IMMP2L: variants seen among roughly 807,000 people sequenced by gnomAD.
IMMP2L encodes the protein mitochondrial inner membrane protease subunit 2.
In IMMP2L, 18 loss-of-function variants were observed where a neutral mutation model predicts 19.3. The observed-to-expected ratio is 0.93, with a 90% confidence interval of 0.64 to 1.38. The LOEUF is 1.38. Among genes scored for constraint, IMMP2L ranks in the 40% most tolerant of loss-of-function variants. The probability of loss-of-function intolerance (pLI) is 0.00; values close to 1 mark genes in which losing one functional copy is unlikely to be tolerated. For missense variants in IMMP2L, 233 were observed against 218.2 expected (o/e 1.07, Z -0.43); for synonymous variants, 76 against 73.0 (o/e 1.04, Z -0.21).
intron 5 of IMMP2L, among the ~76,000 whole-genome samples, chr7:110,765,767 C>A (rs1562962737): frequency 6.6e-6 from 1 of 152,078 alleles, no homozygotes; most frequent in Non-Finnish European, 1.5e-5. Flanking sequence ...TATCAATAAC[C>A]TCAAACACTT....
intron 3 of IMMP2L, among the ~76,000 whole-genome samples, chr7:111,237,160 T>G (rs1291028615): frequency 6.6e-6 from 1 of 152,180 alleles, no homozygotes; most frequent in Non-Finnish European, 1.5e-5. Context: ...CCAGATATAA[T>G]GTCTCACACA....
chr7:111,057,568 G>T (rs746659697), intron 3 of IMMP2L, among the ~76,000 whole-genome samples: 1 of 152,148 alleles, frequency 6.6e-6, no homozygotes, highest in African/African-American at 2.4e-5. Context: ...ATAGAAAGCA[G>T]CTTACATATT....
At chr7:111,217,126 T>TCACACACACACACACACACACACACA (rs1315821493) in intron 3 of IMMP2L, among the ~76,000 whole-genome samples, 1 of 123,998 alleles carries the variant, frequency 8.1e-6, no homozygotes, top group African/African-American at 3.2e-5. Flanking sequence ...TCTCTCTCTC[T>TCACACACACACACACACACACACACA]CACACACACA....
intron 2 of IMMP2L, among the ~76,000 whole-genome samples, chr7:111,495,822 T>G (rs1843543132): frequency 6.6e-6 from 1 of 152,176 alleles, no homozygotes; most frequent in African/African-American, 2.4e-5. Flanking sequence ...CTTACTTCTT[T>G]GGGTACAATG....
intron 4 of IMMP2L, among the ~76,000 whole-genome samples, chr7:110,888,012 T>A (rs1810406975): frequency 6.6e-6 from 1 of 152,176 alleles, no homozygotes; most frequent in Non-Finnish European, 1.5e-5. Context: ...AACTATTCAT[T>A]ATCTAGGATG....
At chr7:111,541,557 C>A (rs1451820376) in intron 1 of IMMP2L, among the ~76,000 whole-genome samples, 1 of 152,088 alleles carries the variant, frequency 6.6e-6, no homozygotes, top group Non-Finnish European at 1.5e-5. Context: ...AGCTTAGTAG[C>A]CTTGAGAATA....
chr7:110,687,396 C>CT (rs1793190109), intron 5 of IMMP2L, among the ~76,000 whole-genome samples: 1 of 152,078 alleles, frequency 6.6e-6, no homozygotes, highest in Non-Finnish European at 1.5e-5. Context: ...GAATCCATGT[C>CT]TAAGTCATCT....
At chr7:111,167,775 G>A (rs1055672132) in intron 3 of IMMP2L, among the ~76,000 whole-genome samples, 2 of 151,904 alleles carry the variant, frequency 1.3e-5, no homozygotes, top group African/African-American at 4.8e-5. Flanking sequence ...GTGTTTACTC[G>A]GAATCCTCAG....
chr7:111,543,326 CTGA>C (rs1212426958), intron 1 of IMMP2L, among the ~76,000 whole-genome samples: 1 of 152,136 alleles, frequency 6.6e-6, no homozygotes. Flanking sequence ...AAATACAAAG[CTGA>C]TGTTAACCAC....
intron 3 of IMMP2L, among the ~76,000 whole-genome samples, chr7:111,276,524 T>C (rs1819075144): frequency 6.6e-6 from 1 of 152,012 alleles, no homozygotes; most frequent in South Asian, 2.1e-4. Context: ...AGGATTGGTA[T>C]TAGTTCTTCT....
chr7:110,791,800 C>A (rs1054450338), intron 5 of IMMP2L, among the ~76,000 whole-genome samples: 1 of 151,806 alleles, frequency 6.6e-6, no homozygotes, highest in Admixed American at 6.6e-5. Context: ...ATGTGTCCAG[C>A]AGACAGGAGC....
intron 5 of IMMP2L, among the ~76,000 whole-genome samples, chr7:110,721,895 G>A (rs564786841): frequency 6.6e-6 from 1 of 152,100 alleles, no homozygotes; most frequent in East Asian, 1.9e-4. Context: ...AAGAAAGAGA[G>A]AGAAAGAGGA....
intron 3 of IMMP2L, among the ~76,000 whole-genome samples, chr7:111,291,059 C>A (rs1044631907): frequency 3.3e-5 from 5 of 152,032 alleles, no homozygotes; most frequent in African/African-American, 1.2e-4. Flanking sequence ...CATTTCATAC[C>A]TTACTATGTG....
intron 3 of IMMP2L, among the ~76,000 whole-genome samples, chr7:111,148,140 G>A (rs963821368): frequency 3.3e-5 from 5 of 152,044 alleles, no homozygotes; most frequent in Non-Finnish European, 5.9e-5. Flanking sequence ...ATAATAAAAC[G>A]TGGTACATCT....
intron 3 of IMMP2L, among the ~76,000 whole-genome samples, chr7:111,435,986 C>A (rs1308908327): frequency 1.3e-5 from 2 of 151,910 alleles, no homozygotes; most frequent in Admixed American, 6.5e-5. Flanking sequence ...ATCATCTTGG[C>A]ACTCATGGGA....
intron 5 of IMMP2L, among the ~76,000 whole-genome samples, chr7:110,739,237 G>C (rs1330974541): frequency 6.6e-6 from 1 of 152,000 alleles, no homozygotes; most frequent in Admixed American, 6.5e-5. Context: ...TAATGTAAAT[G>C]GCCTAAATGT....
At chr7:111,379,439 T>G (rs1417211035) in intron 3 of IMMP2L, among the ~76,000 whole-genome samples, 2 of 151,778 alleles carry the variant, frequency 1.3e-5, no homozygotes, top group Non-Finnish European at 2.9e-5. Context: ...TATGTCAAGA[T>G]GTTTACATGG....
intron 5 of IMMP2L, among the ~76,000 whole-genome samples, chr7:110,843,399 G>T (rs967985022): frequency 3.3e-5 from 5 of 151,990 alleles, no homozygotes; most frequent in African/African-American, 1.2e-4. Context: ...GGTATGGAGG[G>T]GGCCAGTCAG....
chr7:110,663,330 T>C lies in IMMP2L; in HGVS notation c.*272A>G, dbSNP rs1408200923. On this transcript the variant is annotated 3_prime_UTR_variant, in exon 6 of 6. Transcript: ENST00000405709. Reference sequence around the variant, plus strand: ...TGAAATTCAGCCCCATTAAGACATGTGGGTGCAATATTTTTATATTCCCAA... The same window carrying C: ...TGAAATTCAGCCCCATTAAGACATGCGGGTGCAATATTTTTATATTCCCAA... The C allele has an allele frequency of 3.6e-6, 1 of 281,122 alleles. No individual in the cohort carries two copies. Among genetic ancestry groups the C allele is most frequent in the Non-Finnish European group, 6.7e-6 (1 of 150,216 alleles). The allele number at this position is 281,122 out of a possible 1,614,324, so 17.4% of individuals were successfully genotyped here.
Sources: allele counts gnomAD v4.1 joint callset (sites outside exome capture counted in the v4.1 genomes callset), GRCh38; gene constraint gnomAD v4.1.1; transcripts MANE v1.5; gene names NCBI Gene and HGNC (gene_info 2026-07-23, HGNC 2026-07-21).